Variants in CDH12 observed in about 807,000 individuals in gnomAD.
CDH12 encodes the protein cadherin 12.
In CDH12, 41 loss-of-function variants were observed where a neutral mutation model predicts 74.1. The ratio of observed to expected loss-of-function variants is 0.55; its 90% CI spans 0.43 to 0.72. The LOEUF (loss-of-function observed/expected upper bound fraction) is 0.72. CDH12 is among the 30% of genes least tolerant of loss of function. The probability of loss-of-function intolerance (pLI) is 0.00; values close to 1 mark genes in which losing one functional copy is unlikely to be tolerated. For missense variants in CDH12, 945 were observed against 977.2 expected (o/e 0.97, Z 0.44); for synonymous variants, 399 against 355.0 (o/e 1.12, Z -1.39).
intron 3 of CDH12, among the ~76,000 whole-genome samples, chr5:22,377,342 G>A (rs1019539998): frequency 2.7e-5 from 4 of 148,762 alleles, no homozygotes; most frequent in Admixed American, 2.0e-4. Context: ...AAGTTTGGTA[G>A]AGTCACTAGC....
chr5:21,848,771 G>T (rs1750314488), intron 7 of CDH12, among the ~76,000 whole-genome samples: 1 of 151,870 alleles, frequency 6.6e-6, no homozygotes, highest in South Asian at 2.1e-4. Context: ...TCCTCCAGGA[G>T]TTCTTTCTTC....
chr5:22,467,057 T>C (rs1282766303), intron 2 of CDH12, among the ~76,000 whole-genome samples: 4 of 151,948 alleles, frequency 2.6e-5, no homozygotes, highest in Non-Finnish European at 4.4e-5. Context: ...ATTGCTGGGA[T>C]TACAAGCGTG....
At position 22,798,419 on chromosome 5, in the gene CDH12, GTTT is replaced by G. The variant is rs560329631; in HGVS notation, c.-523+54636_-523+54638del. Among the ~76,000 whole-genome samples the G allele has an allele frequency of 3.7e-3, 568 of 152,058 alleles. 6 individuals are homozygous for G. The highest frequency in any genetic ancestry group is 0.013 in the African/African-American group (528 of 41,516). On this transcript the variant is annotated intron_variant, in intron 1 of 14. Transcript: ENST00000382254. ...TTTTTTAAATTTTACAAACAGTGCA[GTTT>G]TTTATTAGAAATAAATTTAACATGT...
At chr5:22,389,729 G>A (rs1672395994) in intron 3 of CDH12, among the ~76,000 whole-genome samples, 1 of 149,338 alleles carries the variant, frequency 6.7e-6, no homozygotes, top group Non-Finnish European at 1.5e-5. Flanking sequence ...CTCACTGCAA[G>A]CTCCGCCTCC....
intron 6 of CDH12, among the ~76,000 whole-genome samples, chr5:21,954,336 A>T (rs1344505196): frequency 6.6e-6 from 1 of 151,496 alleles, no homozygotes; most frequent in African/African-American, 2.4e-5. Flanking sequence ...GTGTATGTGT[A>T]TCTTATTTCC....
At chr5:22,351,547 A>C (rs1346502161) in intron 3 of CDH12, among the ~76,000 whole-genome samples, 1 of 152,220 alleles carries the variant, frequency 6.6e-6, no homozygotes, top group African/African-American at 2.4e-5. Context: ...GTCACTTTGA[A>C]ATTAATTTAT....
At chr5:22,755,842 A>G (rs1215717397) in intron 1 of CDH12, among the ~76,000 whole-genome samples, 1 of 152,104 alleles carries the variant, frequency 6.6e-6, no homozygotes, top group Non-Finnish European at 1.5e-5. Context: ...ACACTGTCTA[A>G]CTATTTTAAA....
chr5:22,291,655 C>G (rs1737392453), intron 3 of CDH12, among the ~76,000 whole-genome samples: 1 of 151,868 alleles, frequency 6.6e-6, no homozygotes, highest in Non-Finnish European at 1.5e-5. Flanking sequence ...GGTAAAAGAT[C>G]TCTACACTGA....
chr5:22,432,358 T>C (rs551689145), intron 2 of CDH12, among the ~76,000 whole-genome samples: 1 of 152,238 alleles, frequency 6.6e-6, no homozygotes, highest in East Asian at 1.9e-4. Context: ...TGAAATTGCC[T>C]AAAGATGCAT....
chr5:21,941,764 A>G (rs1363952964), intron 6 of CDH12, among the ~76,000 whole-genome samples: 1 of 152,114 alleles, frequency 6.6e-6, no homozygotes, highest in Non-Finnish European at 1.5e-5. Flanking sequence ...AGAATACAAT[A>G]TGTACCCATC....
intron 1 of CDH12, among the ~76,000 whole-genome samples, chr5:22,809,193 T>C (rs906660010): frequency 1.3e-5 from 2 of 152,026 alleles, no homozygotes; most frequent in African/African-American, 2.4e-5. Context: ...TTTAAATATA[T>C]TTAAGAAATT....
At chr5:22,761,226 T>G (rs1166387915) in intron 1 of CDH12, among the ~76,000 whole-genome samples, 2 of 152,218 alleles carry the variant, frequency 1.3e-5, no homozygotes, top group African/African-American at 4.8e-5. Context: ...CAGCTTTTCA[T>G]GAAGACTGAA....
intron 1 of CDH12, among the ~76,000 whole-genome samples, chr5:22,844,138 G>T (rs1737199661): frequency 6.6e-6 from 1 of 152,064 alleles, no homozygotes; most frequent in Admixed American, 6.6e-5. Flanking sequence ...ATAAGCAGCT[G>T]TTATTCTCAC....
intron 3 of CDH12, among the ~76,000 whole-genome samples, chr5:22,352,542 A>G (rs746043449): frequency 1.3e-5 from 2 of 152,204 alleles, no homozygotes; most frequent in African/African-American, 2.4e-5. Context: ...TGTAAAGAAT[A>G]CCAATGAGAG....
chr5:22,021,415 C>T (rs887512929), intron 5 of CDH12, among the ~76,000 whole-genome samples: 1 of 152,108 alleles, frequency 6.6e-6, no homozygotes. Flanking sequence ...AAAATGTGAA[C>T]AAAGCTTGAT....
intron 1 of CDH12, among the ~76,000 whole-genome samples, chr5:22,744,684 A>G (rs912934493): frequency 2.0e-5 from 3 of 152,098 alleles, no homozygotes; most frequent in Non-Finnish European, 2.9e-5. Flanking sequence ...TAAATCTTCA[A>G]CAATCATCTA....
At chr5:21,799,577 T>C (rs890827473) in intron 10 of CDH12, among the ~76,000 whole-genome samples, 18 of 152,094 alleles carry the variant, frequency 1.2e-4, no homozygotes, top group Non-Finnish European at 1.5e-4. Context: ...GCAGAAACAC[T>C]GCCAGCTGGT....
At chr5:22,380,937 T>C (rs1229681621) in intron 3 of CDH12, among the ~76,000 whole-genome samples, 1 of 152,086 alleles carries the variant, frequency 6.6e-6, no homozygotes, top group Non-Finnish European at 1.5e-5. Flanking sequence ...ACAATAAATA[T>C]ATGTATACAC....
rs563917883 is a variant in CDH12 at position 21,823,813 on chromosome 5, A to G, written c.815-6681T>C. On this transcript the variant is annotated intron_variant, in intron 8 of 14. Coordinates refer to ENST00000382254, the MANE Select transcript of CDH12 (RefSeq NM_004061.5). ...GATTGCTCAGCTTCCCCAACCTTCAAAGGATCCTACATCAGTGTGACTCAC... is the reference window on the plus strand; with the variant it reads ...GATTGCTCAGCTTCCCCAACCTTCAGAGGATCCTACATCAGTGTGACTCAC... Among the ~76,000 whole-genome samples the G allele has an allele frequency of 1.2e-4, 19 of 152,242 alleles. No homozygotes were observed. In the South Asian group the frequency reaches 2.5e-3, roughly 20 times the overall value.
Sources: gnomAD v4.1 joint callset for allele counts (sites outside exome capture counted in the v4.1 genomes callset) on GRCh38, gnomAD v4.1.1 for gene constraint, MANE v1.5 for transcripts, NCBI Gene and HGNC (gene_info 2026-07-23, HGNC 2026-07-21) for gene names.